The following CELF2 variants were observed in gnomAD, a reference collection of about 807,000 sequenced individuals.
CELF2 encodes the protein CUGBP Elav-like family member 2, also known as CUG triplet repeat RNA-binding protein 2.
A neutral mutation model predicts 62.6 loss-of-function variants in CELF2; 8 were observed. The ratio of observed to expected loss-of-function variants is 0.13; its 90% confidence interval spans 0.07 to 0.23. CELF2 has a LOEUF of 0.23. Among genes scored for constraint, CELF2 ranks in the 10% least tolerant of loss-of-function variants. The probability of loss-of-function intolerance (pLI) is 1.00; values close to 1 mark genes in which losing one functional copy is unlikely to be tolerated. For synonymous variants in CELF2, 258 were observed against 250.0 expected (o/e 1.03, Z -0.30); for missense variants, 333 against 671.0 (o/e 0.50, Z 5.56).
chr10:10,812,263 C>G (rs915845014), intron 1 of CELF2, among the ~76,000 whole-genome samples: 2 of 152,110 alleles, frequency 1.3e-5, no homozygotes, highest in African/African-American at 2.4e-5. Context: ...AAGGGGAAAC[C>G]CCTTATCAAA....
chr10:11,101,006 C>A (rs2051454852), intron 1 of CELF2, among the ~76,000 whole-genome samples: 1 of 152,170 alleles, frequency 6.6e-6, no homozygotes. Flanking sequence ...TGAGACTTGA[C>A]TGTTTCTAAA....
At chr10:10,952,674 CA>C (rs370427448) in intron 2 of CELF2, among the ~76,000 whole-genome samples, 3,662 of 101,944 alleles carry the variant, frequency 0.036, 63 homozygotes, top group African/African-American at 0.083. Context: ...TGAGATGGTC[CA>C]AAAAAAAAAA....
At chr10:10,985,167 A>C (rs947261110) in intron 2 of CELF2, among the ~76,000 whole-genome samples, 1 of 152,194 alleles carries the variant, frequency 6.6e-6, no homozygotes, top group Non-Finnish European at 1.5e-5. Flanking sequence ...ATGTTCTTTC[A>C]GTACAGTGAA....
At chr10:11,322,145 G>A (rs1452169936) in intron 11 of CELF2, among the ~76,000 whole-genome samples, 8 of 152,158 alleles carry the variant, frequency 5.3e-5, no homozygotes, top group African/African-American at 1.7e-4. Flanking sequence ...TGGGTGAAAC[G>A]CTCTCTGTCC....
intron 2 of CELF2, chr10:10,952,002 T>G: frequency 6.6e-6 from 1 of 152,274 alleles, no homozygotes; most frequent in Non-Finnish European, 1.5e-5. Flanking sequence ...CAGAACACCT[T>G]GGACTCTATG....
At chr10:10,636,330 G>GT in the CELF2 span, among the ~76,000 whole-genome samples, 5 of 152,132 alleles carry the variant, frequency 3.3e-5, no homozygotes, top group Non-Finnish European at 7.4e-5. Context: ...ATTAACACGA[G>GT]TTTAACTATA....
chr10:10,592,228 C>T, the CELF2 span, among the ~76,000 whole-genome samples: 2 of 152,166 alleles, frequency 1.3e-5, no homozygotes, highest in African/African-American at 2.4e-5. Flanking sequence ...AGGATGGAAA[C>T]GAAGCCCTGG....
chr10:10,785,264 T>G, the CELF2 span, among the ~76,000 whole-genome samples: 891 of 152,314 alleles, frequency 5.8e-3, 9 homozygotes, highest in African/African-American at 0.021. Flanking sequence ...GGGTGCCAGC[T>G]TCTGAGATTC....
the CELF2 span, among the ~76,000 whole-genome samples, chr10:10,713,554 T>A: frequency 1.3e-5 from 2 of 152,250 alleles, no homozygotes; most frequent in Non-Finnish European, 2.9e-5. Context: ...GATAATCACC[T>A]ACGACCCTTC....
the CELF2 span, among the ~76,000 whole-genome samples, chr10:10,657,312 G>A: frequency 2.0e-5 from 3 of 152,072 alleles, no homozygotes; most frequent in African/African-American, 7.2e-5. Context: ...CTTTTTGGGA[G>A]TAATGAAGAT....
chr10:11,069,051 A>G (rs2068963325), intron 1 of CELF2, among the ~76,000 whole-genome samples: 3 of 152,204 alleles, frequency 2.0e-5, no homozygotes, highest in African/African-American at 2.4e-5. Context: ...CAACCATACT[A>G]AAATAAATGT....
chr10:10,779,229 T>G, the CELF2 span, among the ~76,000 whole-genome samples: 5 of 152,184 alleles, frequency 3.3e-5, no homozygotes, highest in Non-Finnish European at 7.3e-5. Flanking sequence ...TAAAGAATAG[T>G]TTCAAAACTC....
At chr10:11,189,121 G>T (rs1184780529) in intron 2 of CELF2, among the ~76,000 whole-genome samples, 3 of 152,130 alleles carry the variant, frequency 2.0e-5, no homozygotes, top group African/African-American at 7.2e-5. Context: ...CTCTACCCAA[G>T]ACCGTGAATT....
rs147807829 is a variant in CELF2, at chr10:11,255,255, T to C, written c.404-2483T>C. On this transcript the variant is annotated intron_variant, in intron 4 of 12. Coordinates refer to ENST00000633077, the MANE Select transcript of CELF2 (RefSeq NM_001326342.2). The surrounding 1 kb of genome is among the most constrained non-coding windows in gnomAD (Gnocchi z 5.5). Reference sequence around the variant, plus strand: ...TCCTCAGCAGTCTCCCTCCCAGGAATTGGAGCCCGGGGTGCCTGTTGCCCA... The same window carrying C: ...TCCTCAGCAGTCTCCCTCCCAGGAACTGGAGCCCGGGGTGCCTGTTGCCCA... Among the ~76,000 whole-genome samples, 30 of 152,280 alleles carry C rather than the reference T, an allele frequency of 2.0e-4. No homozygotes were observed. In the East Asian group the frequency reaches 5.2e-3, roughly 26 times the overall value.
chr10:11,032,411 A>G lies in CELF2; in HGVS notation c.74+14248A>G, dbSNP rs531198292. ...GGTGGGGGAATCGCTTGAGGCCAGG[A>G]GTTTGAGGCCAGCCTGTCCCTAAAA... On this transcript the variant is annotated intron_variant, in intron 1 of 12. Transcript: ENST00000633077. Among the ~76,000 whole-genome samples, 3 of 152,230 alleles carry G rather than the reference A, an allele frequency of 2.0e-5. No homozygotes were observed. The East Asian group carries it at 5.8e-4, about 29-fold the overall frequency.
the CELF2 span, among the ~76,000 whole-genome samples, chr10:10,587,758 G>A: frequency 6.6e-6 from 1 of 152,066 alleles, no homozygotes; most frequent in Non-Finnish European, 1.5e-5. Context: ...CTTGCTCTTT[G>A]TTTGAATTCC....
At chr10:11,197,057 G>A (rs533897920) in intron 2 of CELF2, among the ~76,000 whole-genome samples, 1,675 of 37,472 alleles carry the variant, frequency 0.045, 425 homozygotes, top group Non-Finnish European at 0.064. Flanking sequence ...AAGAAAGAAA[G>A]AAAAGAAAGA....
intron 1 of CELF2, among the ~76,000 whole-genome samples, chr10:10,808,314 T>A (rs998573061): frequency 6.6e-6 from 1 of 152,198 alleles, no homozygotes; most frequent in African/African-American, 2.4e-5. Flanking sequence ...TGTACAAATA[T>A]AACCTGGGGA....
intron 1 of CELF2, among the ~76,000 whole-genome samples, chr10:10,903,482 T>A (rs1169799989): frequency 6.6e-6 from 1 of 152,084 alleles, no homozygotes; most frequent in African/African-American, 2.4e-5. Flanking sequence ...ATGAAACAGA[T>A]AAAGAAGAAA....
Sources: gnomAD v4.1 joint callset for allele counts (sites outside exome capture counted in the v4.1 genomes callset) on GRCh38, gnomAD v4.1.1 for gene constraint, Gnocchi (gnomAD v3.1) non-coding constraint, MANE v1.5 for transcripts, NCBI Gene and HGNC (gene_info 2026-07-23, HGNC 2026-07-21) for gene names.